ANKS1B: variants seen among roughly 807,000 people sequenced by gnomAD.
ANKS1B encodes ankyrin repeat and sterile alpha motif domain-containing protein 1B.
A neutral mutation model predicts 148.3 loss-of-function variants in ANKS1B; 36 were observed. That is an observed-to-expected ratio of 0.24 (90% CI 0.19 to 0.32). The LOEUF is 0.32. Ranked by LOEUF, ANKS1B falls within the 10% of genes least tolerant of loss-of-function variation. ANKS1B has a pLI of 1.00. For missense variants in ANKS1B, 1,157 were observed against 1,542.6 expected (o/e 0.75, Z 4.19); for synonymous variants, 542 against 560.8 (o/e 0.97, Z 0.47).
At chr12:99,380,435 T>C (rs543105048) in intron 12 of ANKS1B, among the ~76,000 whole-genome samples, 2 of 151,792 alleles carry the variant, frequency 1.3e-5, no homozygotes, top group Admixed American at 1.3e-4. Flanking sequence ...TTTAGAAACA[T>C]GTTCTAGAAA....
intron 11 of ANKS1B, among the ~76,000 whole-genome samples, chr12:99,410,971 T>C (rs1424210788): frequency 6.6e-6 from 1 of 152,218 alleles, no homozygotes. Flanking sequence ...ACTCAGTAAG[T>C]GCATCTGACC....
chr12:99,958,445 C>A (rs138919360), intron 1 of ANKS1B, among the ~76,000 whole-genome samples: 1 of 152,020 alleles, frequency 6.6e-6, no homozygotes, highest in Non-Finnish European at 1.5e-5. Flanking sequence ...TGCAGTGGCA[C>A]GATCTCAGCT....
intron 1 of ANKS1B, among the ~76,000 whole-genome samples, chr12:99,825,893 C>A (rs2083120117): frequency 6.6e-6 from 1 of 152,100 alleles, no homozygotes; most frequent in Admixed American, 6.5e-5. Flanking sequence ...ATATTTCATA[C>A]TTGAAAATAA....
At chr12:99,063,479 G>A (rs1304997824) in intron 16 of ANKS1B, among the ~76,000 whole-genome samples, 1 of 152,168 alleles carries the variant, frequency 6.6e-6, no homozygotes, top group South Asian at 2.1e-4. Flanking sequence ...TTCATCAGTG[G>A]CTCTTAAAAG....
intron 1 of ANKS1B, among the ~76,000 whole-genome samples, chr12:99,903,413 A>G (rs1240940798): frequency 6.6e-6 from 1 of 152,218 alleles, no homozygotes; most frequent in Non-Finnish European, 1.5e-5. Flanking sequence ...GTAAGAGTCC[A>G]GGGATGCTGA....
At chr12:99,506,975 C>T (rs540070785) in intron 9 of ANKS1B, among the ~76,000 whole-genome samples, 4 of 152,004 alleles carry the variant, frequency 2.6e-5, no homozygotes, top group Admixed American at 6.6e-5. Flanking sequence ...ACTACTCTGT[C>T]CCTAGAATCT....
At chr12:98,936,432 T>C (rs1014092041) in intron 17 of ANKS1B, among the ~76,000 whole-genome samples, 9 of 152,062 alleles carry the variant, frequency 5.9e-5, no homozygotes, top group African/African-American at 2.2e-4. Flanking sequence ...GTTGAGACCA[T>C]CCTGGCCAAC....
At chr12:99,056,475 G>C (rs2040220839) in intron 16 of ANKS1B, among the ~76,000 whole-genome samples, 1 of 152,008 alleles carries the variant, frequency 6.6e-6, no homozygotes, top group Non-Finnish European at 1.5e-5. Flanking sequence ...CTTCTACATG[G>C]TCTCCCACCT....
Position 99,648,443 on chromosome 12 carries a change from G to A in ANKS1B, c.1272+6624C>T, listed in dbSNP as rs141451941. The A allele has an allele frequency of 1.4e-4, 219 of 1,614,100 alleles. No individual in the cohort carries two copies. In the African/African-American group the frequency reaches 1.5e-3, roughly 11 times the overall value. ...CTACCTGATGTCATGCTGCTGGCCC[G>A]ACCAGCTGCTGTCTGTGACAATGCC... is the stretch of plus-strand genomic sequence containing the variant. On this transcript the variant is annotated intron_variant, in intron 9 of 26. Transcript: ENST00000683438.
chr12:99,608,576 C>A (rs924109321), intron 9 of ANKS1B, among the ~76,000 whole-genome samples: 1 of 152,040 alleles, frequency 6.6e-6, no homozygotes. Flanking sequence ...AAGTCAAATG[C>A]CTTCTCACAG....
At chr12:98,748,476 C>T (rs537261271) in intron 26 of ANKS1B, among the ~76,000 whole-genome samples, 1 of 152,332 alleles carries the variant, frequency 6.6e-6, no homozygotes, top group East Asian at 1.9e-4. Context: ...TCCAGGTCTG[C>T]CTGCCCTGTC....
chr12:98,860,565 G>A (rs1000517829), intron 17 of ANKS1B, among the ~76,000 whole-genome samples: 6 of 152,192 alleles, frequency 3.9e-5, no homozygotes. Context: ...CACCATTAAT[G>A]GTGGATTGAA....
chr12:99,112,192 A>G (rs1005898277), intron 15 of ANKS1B, among the ~76,000 whole-genome samples: 2 of 152,126 alleles, frequency 1.3e-5, no homozygotes, highest in African/African-American at 4.8e-5. Context: ...CTTCAACTTG[A>G]GGCTTCTGGC....
chr12:99,727,538 C>A (rs1257894273), intron 8 of ANKS1B, among the ~76,000 whole-genome samples: 1 of 152,092 alleles, frequency 6.6e-6, no homozygotes, highest in Non-Finnish European at 1.5e-5. Context: ...TAGGAAAAAT[C>A]AATGTTGTGA....
chr12:98,788,859 C>T (rs2098821682), intron 22 of ANKS1B, among the ~76,000 whole-genome samples: 2 of 152,266 alleles, frequency 1.3e-5, no homozygotes, highest in Admixed American at 1.3e-4. Flanking sequence ...TATCAAAACA[C>T]ACTGTTCTCC....
chr12:98,736,534 G>A (rs1314554943), intron 9 of ANKS1B, among the ~76,000 whole-genome samples: 1 of 152,216 alleles, frequency 6.6e-6, no homozygotes, highest in East Asian at 1.9e-4. Context: ...TAGGCGGGAT[G>A]CAAGGCTCTG....
intron 9 of ANKS1B, among the ~76,000 whole-genome samples, chr12:99,653,983 G>C (rs945526083): frequency 2.6e-5 from 4 of 152,004 alleles, no homozygotes; most frequent in African/African-American, 9.7e-5. Flanking sequence ...GATTTGCCAG[G>C]AACTACGCGT....
At chr12:98,796,842 C>A (rs1017781718) in intron 22 of ANKS1B, among the ~76,000 whole-genome samples, 1 of 152,192 alleles carries the variant, frequency 6.6e-6, no homozygotes, top group East Asian at 1.9e-4. Flanking sequence ...CTAAATTATT[C>A]TCTACTTAGG....
At chr12:99,271,609 C>A (rs1224466060) in intron 12 of ANKS1B, among the ~76,000 whole-genome samples, 3 of 144,298 alleles carry the variant, frequency 2.1e-5, no homozygotes, top group Non-Finnish European at 4.5e-5. Flanking sequence ...AAGTTGTTCA[C>A]CCACAGTATG....
Sources: gnomAD v4.1 joint callset for allele counts (sites outside exome capture counted in the v4.1 genomes callset) on GRCh38, gnomAD v4.1.1 for gene constraint, MANE v1.5 for transcripts, NCBI Gene and HGNC (gene_info 2026-07-23, HGNC 2026-07-21) for gene names.